The following AATK variants were observed in gnomAD, a reference collection of about 807,000 sequenced individuals.
AATK encodes the protein lemur tail kinase 1.
Under a neutral mutation model 114.3 loss-of-function variants are expected in AATK, and 91 were observed. The observed-to-expected ratio is 0.80, with a 90% confidence interval of 0.67 to 0.95. The LOEUF (loss-of-function observed/expected upper bound fraction) is 0.95, where lower values mean the gene tolerates loss of function less well. AATK is among the 40% of genes least tolerant of loss of function. The probability of loss-of-function intolerance (pLI) is 0.00; values close to 1 mark genes in which losing one functional copy is unlikely to be tolerated. For missense variants in AATK, 2,176 were observed against 1,965.2 expected (o/e 1.11, Z -2.03); for synonymous variants, 1,075 against 916.5 (o/e 1.17, Z -3.12).
intron 1 of AATK, among the ~76,000 whole-genome samples, chr17:81,148,657 G>A (rs370126735): frequency 6.6e-6 from 1 of 152,204 alleles, no homozygotes; most frequent in East Asian, 1.9e-4. Context: ...GGTGCCTGCG[G>A]CACACCTGGG....
intron 8 of AATK, 31 bp from the exon 9 acceptor site, chr17:81,124,879 G>T (rs371076387): frequency 6.3e-7 from 1 of 1,581,868 alleles, no homozygotes; most frequent in East Asian, 2.3e-5. Context: ...CACCCCTGCC[G>T]GCGCAGGCCC....
intron 1 of AATK, among the ~76,000 whole-genome samples, chr17:81,157,382 T>C (rs2061379699): frequency 6.6e-6 from 1 of 152,104 alleles, no homozygotes; most frequent in African/African-American, 2.4e-5. Context: ...GACGCACACG[T>C]ACCCCTCCAC....
rs963174896 is a variant in AATK, at chr17:81,120,375, G to A, written c.3561C>T (p.Ser1187=). The change falls in exon 11 of 14, where the codon AGC becomes AGT. Residue 1187 remains serine (S), a synonymous_variant. Transcript: ENST00000326724. ...CYSVQEPSED[S]EEEAPAVPVV... ...CGGGCACCGCCGGCGCCTCCTCTTC[G>A]CTGTCCTCGCTAGGCTCCTGGACGC... 16 of 1,608,170 alleles carry A rather than the reference G, an allele frequency of 9.9e-6. No individual in the cohort carries two copies. The highest frequency in any genetic ancestry group is 1.3e-5 in the African/African-American group (1 of 75,002).
intron 1 of AATK, among the ~76,000 whole-genome samples, chr17:81,162,503 G>A (rs1186611435): frequency 6.6e-6 from 1 of 152,150 alleles, no homozygotes; most frequent in African/African-American, 2.4e-5. Flanking sequence ...ACCTTCCAAG[G>A]GGAGGACTCC....
chr17:81,146,673 C>G lies in AATK; in HGVS notation c.56-12172G>C, dbSNP rs1032125728. ...AGAGGTTGTAGTGAGCCGCCCAGAT[C>G]GCACCACTGCACTCCAGCCTGGATG... On this transcript the variant is annotated intron_variant, in intron 1 of 13. Coordinates refer to ENST00000326724, the MANE Select transcript of AATK (RefSeq NM_001080395.3). Among the ~76,000 whole-genome samples the G allele has an allele frequency of 2.0e-5, 3 of 152,060 alleles. No homozygotes were observed. In the South Asian group the frequency reaches 6.2e-4, roughly 32 times the overall value.
chr17:81,138,307 CCA>C (rs774624642), intron 1 of AATK, among the ~76,000 whole-genome samples: 32 of 142,766 alleles, frequency 2.2e-4, no homozygotes, highest in Non-Finnish European at 4.3e-4. Context: ...GCACACATAT[CCA>C]CACACGTGCA....
chr17:81,122,889 G>T, intron 10 of AATK, 66 bp from the exon 11 acceptor site: 1 of 1,351,330 alleles, frequency 7.4e-7, no homozygotes, highest in Non-Finnish European at 9.7e-7. Context: ...CCCTGGAGCA[G>T]GGATGGGGGT....
At position 81,121,169 on chromosome 17, in the gene AATK, A is replaced by G; in HGVS notation, c.2767T>C (p.Ser923Pro). ...SDGGYEVFSPSATGPSGGQPR... is the reference protein window; with the variant it reads ...SDGGYEVFSPPATGPSGGQPR... ...TGCCCTCCAGAGGGGCCAGTGGCCGACGGGCTGAAGACCTCATAGCCACCA... is the reference window on the plus strand; with the variant it reads ...TGCCCTCCAGAGGGGCCAGTGGCCGGCGGGCTGAAGACCTCATAGCCACCA... Residue 923 changes from serine to proline, a missense_variant, in exon 11 of 14, where the codon TCG becomes CCG. This residue lies in a region of AATK where 1,701 missense variants were observed against 1,394.7 expected (regional missense o/e 1.22). Coordinates refer to ENST00000326724, the MANE Select transcript of AATK (RefSeq NM_001080395.3). The G allele has an allele frequency of 6.2e-7, 1 of 1,602,312 alleles. No homozygotes were observed. The highest frequency in any genetic ancestry group is 8.5e-7 in the Non-Finnish European group (1 of 1,175,130).
chr17:81,129,814 G>A (rs1028448676), intron 3 of AATK, among the ~76,000 whole-genome samples: 2 of 152,148 alleles, frequency 1.3e-5, no homozygotes, highest in African/African-American at 2.4e-5. Context: ...ACAGCCATCC[G>A]GGAAGGTCCG....
At chr17:81,155,224 T>G (rs921036911) in intron 1 of AATK, among the ~76,000 whole-genome samples, 8 of 152,208 alleles carry the variant, frequency 5.3e-5, no homozygotes, top group Non-Finnish European at 7.3e-5. Context: ...CGACTGCACG[T>G]GTGGCGGTGA....
chr17:81,165,114 G>A (rs2061470486), intron 1 of AATK, among the ~76,000 whole-genome samples: 1 of 152,220 alleles, frequency 6.6e-6, no homozygotes, highest in Non-Finnish European at 1.5e-5. Context: ...GATGGCACAG[G>A]GCAGGGGGAT....
chr17:81,152,735 C>T (rs544338893), intron 1 of AATK, among the ~76,000 whole-genome samples: 1 of 152,334 alleles, frequency 6.6e-6, no homozygotes, highest in South Asian at 2.1e-4. Flanking sequence ...CCTTGGGGAT[C>T]TGATCACCAG....
At chr17:81,165,653 C>T (rs1486065211) in intron 1 of AATK, 16 of 1,489,760 alleles carry the variant, frequency 1.1e-5, no homozygotes, top group Non-Finnish European at 1.3e-5. Flanking sequence ...ACACCAGGGG[C>T]CCACGCAGGC....
intron 13 of AATK, among the ~76,000 whole-genome samples, chr17:81,118,660 T>C (rs1188898544): frequency 6.6e-6 from 1 of 152,220 alleles, no homozygotes; most frequent in Non-Finnish European, 1.5e-5. Context: ...GAGTCCTGTT[T>C]TACGCATAAG....
At chr17:81,164,041 C>T in intron 1 of AATK, among the ~76,000 whole-genome samples, 1 of 152,236 alleles carries the variant, frequency 6.6e-6, no homozygotes, top group East Asian at 1.9e-4. Context: ...AGGAGCCAGC[C>T]ACATGCTGTA....
At chr17:81,147,450 C>T (rs1041581182) in intron 1 of AATK, among the ~76,000 whole-genome samples, 5 of 151,800 alleles carry the variant, frequency 3.3e-5, no homozygotes, top group Non-Finnish European at 7.4e-5. Flanking sequence ...GCAAAATAAG[C>T]CATAAAAAGT....
At chr17:81,160,133 G>A (rs1053301123) in intron 1 of AATK, 3 of 529,068 alleles carry the variant, frequency 5.7e-6, no homozygotes, top group African/African-American at 2.1e-5. Flanking sequence ...GGCCACCTCC[G>A]CTGGCAGGGT....
In AATK at chr17:81,150,924, G is replaced by A. The variant is rs151278594; in HGVS notation, c.55+15014C>T. ...GTCAAGGGCAGACGGTACTGGGGGA[G>A]TCAGCATGTCCAGGGGTCAGGCCAG... On this transcript the variant is annotated intron_variant, in intron 1 of 13. Coordinates refer to ENST00000326724, the MANE Select transcript of AATK (RefSeq NM_001080395.3). 8.8e-4 allele frequency among the ~76,000 whole-genome samples: 134 copies of A among 152,354 alleles called. 1 individual carries two copies. Among genetic ancestry groups the A allele is most frequent in the African/African-American group, 3.1e-3 (128 of 41,590 alleles).
intron 1 of AATK, among the ~76,000 whole-genome samples, chr17:81,147,529 C>T (rs1238266042): frequency 1.3e-5 from 2 of 152,132 alleles, no homozygotes; most frequent in African/African-American, 4.8e-5. Context: ...CCAAGACTGG[C>T]GGATTGCTTG....
Sources: gnomAD v4.1 joint callset for allele counts (sites outside exome capture counted in the v4.1 genomes callset) on GRCh38, gnomAD v4.1.1 for gene constraint, gnomAD v4.1.1 regional missense constraint, MANE v1.5 for transcripts, NCBI Gene and HGNC (gene_info 2026-07-23, HGNC 2026-07-21) for gene names.